The following PRKCE variants were observed in gnomAD, a reference collection of about 807,000 sequenced individuals.
The protein encoded by PRKCE is protein kinase C epsilon type.
In PRKCE, 16 loss-of-function variants were observed where a neutral mutation model predicts 85.4. The ratio of observed to expected loss-of-function variants is 0.19; its 90% CI spans 0.13 to 0.28. The LOEUF (loss-of-function observed/expected upper bound fraction) is 0.28, where lower values mean the gene tolerates loss of function less well. PRKCE is among the 10% of genes least tolerant of loss of function. PRKCE has a pLI of 1.00. For synonymous variants in PRKCE, 388 were observed against 371.5 expected (o/e 1.04, Z -0.51); for missense variants, 573 against 975.2 (o/e 0.59, Z 5.49).
Position 46,004,678 on chromosome 2 carries a change from C to T in PRKCE, c.1063+40C>T. ...TTTGCTTCCTGACCTCTGAGTTCTGCCATTGGATGGACCAAGGAGCTCTGA... is the reference window on the plus strand; with the variant it reads ...TTTGCTTCCTGACCTCTGAGTTCTGTCATTGGATGGACCAAGGAGCTCTGA... On this transcript the variant is annotated intron_variant, in intron 8 of 14. Coordinates refer to ENST00000306156, the MANE Select transcript of PRKCE (RefSeq NM_005400.3). The surrounding 1 kb of genome is among the most constrained non-coding windows in gnomAD (Gnocchi z 4.1). 2 of 1,495,338 alleles carry T rather than the reference C, an allele frequency of 1.3e-6. No homozygotes were observed. Among genetic ancestry groups the T allele is most frequent in the Non-Finnish European group, 1.8e-6 (2 of 1,105,858 alleles). The allele number at this position is 1,495,338 out of a possible 1,614,324, so 92.6% of individuals were successfully genotyped here.
At chr2:45,677,966 G>A in intron 1 of PRKCE, 1 of 867,954 alleles carries the variant, frequency 1.2e-6, no homozygotes, top group African/African-American at 1.8e-5. Flanking sequence ...CCACTGTGAT[G>A]TAAATATCAA....
At chr2:46,141,624 T>C (rs375092493) in intron 11 of PRKCE, among the ~76,000 whole-genome samples, 53 of 152,262 alleles carry the variant, frequency 3.5e-4, no homozygotes, top group African/African-American at 1.2e-3. Context: ...AATAGATAAA[T>C]GAGTATAGGC....
rs62128984 is a variant in PRKCE at position 45,919,462 on chromosome 2, C to G, written c.413-56967C>G. 2.6e-5 allele frequency among the ~76,000 whole-genome samples: 4 copies of G among 152,186 alleles called. No homozygotes were observed. In the South Asian group the frequency reaches 6.2e-4, roughly 24 times the overall value. On this transcript the variant is annotated intron_variant, in intron 2 of 14. Transcript: ENST00000306156. ...GCCTCTCTTATTTGCTGCCTTTCCA[C>G]TGAAGTGTGTTTATGCCTTGTCTTG...
intron 10 of PRKCE, among the ~76,000 whole-genome samples, chr2:46,033,344 C>A (rs1707658230): frequency 6.6e-6 from 1 of 152,206 alleles, no homozygotes; most frequent in Non-Finnish European, 1.5e-5. Flanking sequence ...GCATTCATAG[C>A]AGAACCCCAC....
In PRKCE at chr2:45,853,625, C is replaced by G. The variant is rs186206696; in HGVS notation, c.412+10562C>G. Among the ~76,000 whole-genome samples the G allele has an allele frequency of 5.1e-3, 771 of 152,274 alleles. 6 individuals carry two copies. The highest frequency in any genetic ancestry group is 0.017 in the African/African-American group (706 of 41,542). On this transcript the variant is annotated intron_variant, in intron 2 of 14. Coordinates refer to ENST00000306156, the MANE Select transcript of PRKCE (RefSeq NM_005400.3). ...AGTTCTGGATTAGGTGCTGCGTACACAGTAGGGGCATAATTTTTACTTGCT... is the reference window on the plus strand; with the variant it reads ...AGTTCTGGATTAGGTGCTGCGTACAGAGTAGGGGCATAATTTTTACTTGCT...
At chr2:46,040,727 G>T (rs1011877174) in intron 10 of PRKCE, among the ~76,000 whole-genome samples, 1 of 152,172 alleles carries the variant, frequency 6.6e-6, no homozygotes, top group Non-Finnish European at 1.5e-5. Flanking sequence ...GGTAATGATG[G>T]AAAGAGATCT....
chr2:46,116,981 C>T (rs947192035), intron 11 of PRKCE, among the ~76,000 whole-genome samples: 2 of 152,158 alleles, frequency 1.3e-5, no homozygotes, highest in African/African-American at 4.8e-5. Context: ...AATTATTGGT[C>T]AAATTTCACA....
intron 1 of PRKCE, among the ~76,000 whole-genome samples, chr2:45,818,228 T>C (rs1312047942): frequency 6.6e-6 from 1 of 152,218 alleles, no homozygotes; most frequent in Non-Finnish European, 1.5e-5. Context: ...TTTTGGTACA[T>C]CAAAAGGTTC....
At chr2:45,778,633 C>T (rs73926085) in intron 1 of PRKCE, among the ~76,000 whole-genome samples, 1 of 152,036 alleles carries the variant, frequency 6.6e-6, no homozygotes. Context: ...TCCTCTAACT[C>T]GGTGCATTTC....
intron 2 of PRKCE, among the ~76,000 whole-genome samples, chr2:45,975,486 C>T (rs989341450): frequency 6.6e-6 from 1 of 152,140 alleles, no homozygotes; most frequent in Non-Finnish European, 1.5e-5. Context: ...GTCTCTTCCT[C>T]CTCTTATAAG....
At position 45,922,608 on chromosome 2, in the gene PRKCE, C is replaced by G. The variant is rs576454741; in HGVS notation, c.413-53821C>G. On this transcript the variant is annotated intron_variant, in intron 2 of 14. Transcript: ENST00000306156. Reference sequence around the variant, plus strand: ...CCCCCCAGGCTGTCTCCACCCCAAGCCCATGTGGGCCCAATCTCTGCCCAG... The same window carrying G: ...CCCCCCAGGCTGTCTCCACCCCAAGGCCATGTGGGCCCAATCTCTGCCCAG... Among the ~76,000 whole-genome samples, 3 of 152,232 alleles carry G rather than the reference C, an allele frequency of 2.0e-5. No individual in the cohort carries two copies. In the East Asian group the frequency reaches 5.8e-4, roughly 29 times the overall value.
intron 8 of PRKCE, among the ~76,000 whole-genome samples, chr2:46,005,344 G>A (rs955347714): frequency 5.9e-5 from 9 of 152,108 alleles, no homozygotes; most frequent in South Asian, 2.1e-4. Flanking sequence ...TCCTGCTCTC[G>A]TGACCATTAT....
intron 6 of PRKCE, among the ~76,000 whole-genome samples, chr2:46,000,662 A>C (rs1704603920): frequency 6.6e-6 from 1 of 152,106 alleles, no homozygotes; most frequent in African/African-American, 2.4e-5. Flanking sequence ...ACGACTCTCA[A>C]CTGAATGTAC....
In PRKCE at chr2:46,001,252, C is replaced by A. The variant is rs1704652043; in HGVS notation, c.824-152C>A. 1 of 365,572 alleles carries A rather than the reference C, an allele frequency of 2.7e-6. No homozygotes were observed. The highest frequency in any genetic ancestry group is 4.0e-6 in the Non-Finnish European group (1 of 249,386). 22.6% of individuals were successfully genotyped at this position (365,572 alleles called of 1,614,324 possible). On this transcript the variant is annotated intron_variant, in intron 6 of 14. Coordinates refer to ENST00000306156, the MANE Select transcript of PRKCE (RefSeq NM_005400.3). This position sits in a 1 kb window ranked among gnomAD's most constrained non-coding sequence, Gnocchi z 4.4. ...GATTTTGGTTTTGTATGATGGAAGACATATATATATATATATATATTTCTG... is the reference window on the plus strand; with the variant it reads ...GATTTTGGTTTTGTATGATGGAAGAAATATATATATATATATATATTTCTG...
chr2:45,797,641 G>T (rs1455432912), intron 1 of PRKCE, among the ~76,000 whole-genome samples: 1 of 152,200 alleles, frequency 6.6e-6, no homozygotes, highest in African/African-American at 2.4e-5. Context: ...ACCTGTCTTT[G>T]GTTGGGGCGG....
intron 1 of PRKCE, among the ~76,000 whole-genome samples, chr2:45,776,218 T>C (rs932682719): frequency 7.9e-5 from 12 of 152,246 alleles, no homozygotes; most frequent in African/African-American, 2.9e-4. Flanking sequence ...ATGGGTTGAA[T>C]AGCAAAGCTT....
At chr2:45,924,052 A>C (rs1405789891) in intron 2 of PRKCE, among the ~76,000 whole-genome samples, 5 of 152,056 alleles carry the variant, frequency 3.3e-5, no homozygotes, top group Non-Finnish European at 7.4e-5. Context: ...GAGAGGAGAA[A>C]AGAGCACTCC....
intron 14 of PRKCE, among the ~76,000 whole-genome samples, chr2:46,179,025 C>G (rs149395193): frequency 6.6e-6 from 1 of 152,064 alleles, no homozygotes; most frequent in Non-Finnish European, 1.5e-5. Context: ...TCAGGTCACA[C>G]CCCATGAGGC....
intron 1 of PRKCE, among the ~76,000 whole-genome samples, chr2:45,724,246 C>A (rs981187547): frequency 6.6e-6 from 1 of 152,142 alleles, no homozygotes; most frequent in African/African-American, 2.4e-5. Context: ...CTTTTTGGTA[C>A]AATTACGTTT....
Sources: gnomAD v4.1 joint callset for allele counts (sites outside exome capture counted in the v4.1 genomes callset) on GRCh38, gnomAD v4.1.1 for gene constraint, Gnocchi (gnomAD v3.1) non-coding constraint, MANE v1.5 for transcripts, NCBI Gene and HGNC (gene_info 2026-07-23, HGNC 2026-07-21) for gene names.